The following CDH2 variants were observed in gnomAD, a reference collection of about 807,000 sequenced individuals.
CDH2 encodes cadherin-2.
In CDH2, 17 loss-of-function variants were observed where a neutral mutation model predicts 92.0. The observed-to-expected ratio is 0.18, with a 90% CI of 0.13 to 0.28. The LOEUF is 0.28. Ranked by LOEUF, CDH2 falls within the 10% of genes least tolerant of loss-of-function variation. CDH2 has a pLI of 1.00. For synonymous variants in CDH2, 419 were observed against 415.9 expected (o/e 1.01, Z -0.09); for missense variants, 862 against 1,133.1 (o/e 0.76, Z 3.44).
Position 27,985,799 on chromosome 18 carries a change from T to C in CDH2, c.1742-38A>G. The C allele has an allele frequency of 5.9e-6, 7 of 1,180,470 alleles. No individual in the cohort carries two copies. In the Middle Eastern group the frequency reaches 7.0e-4, roughly 118 times the overall value. The allele number at this position is 1,180,470 out of a possible 1,614,324, so 73.1% of individuals were successfully genotyped here. A position where few individuals can be genotyped will look rare whatever the true frequency, so the allele number is the denominator to read the frequency against. On this transcript the variant is annotated intron_variant, in intron 11 of 15. Coordinates refer to ENST00000269141, the MANE Select transcript of CDH2 (RefSeq NM_001792.5). ...AAAAATCACAAATGATGCTGAACAGTTCTCTCCAATGAGCCTCAATTATGG... is the reference window on the plus strand; with the variant it reads ...AAAAATCACAAATGATGCTGAACAGCTCTCTCCAATGAGCCTCAATTATGG...
chr18:28,071,077 T>C (rs1237945454), intron 2 of CDH2, among the ~76,000 whole-genome samples: 1 of 152,128 alleles, frequency 6.6e-6, no homozygotes, highest in Non-Finnish European at 1.5e-5. Context: ...TCTCCCCTCT[T>C]TTCAGAGAGT....
At chr18:28,166,170 A>ATATATATATATATATATATATG (rs1020592723) in intron 1 of CDH2, among the ~76,000 whole-genome samples, 47 of 135,986 alleles carry the variant, frequency 3.5e-4, no homozygotes, top group African/African-American at 1.3e-3. Flanking sequence ...ATATATATAT[A>ATATATATATATATATATATATG]TATGTCTGTA....
intron 1 of CDH2, among the ~76,000 whole-genome samples, chr18:28,173,100 T>A (rs1023460360): frequency 7.2e-5 from 11 of 152,216 alleles, no homozygotes; most frequent in Admixed American, 3.3e-4. Context: ...AGTCTCTACA[T>A]GTAAAAAGCA....
At chr18:28,037,973 A>G (rs745424147) in intron 2 of CDH2, among the ~76,000 whole-genome samples, 1 of 152,196 alleles carries the variant, frequency 6.6e-6, no homozygotes, top group Non-Finnish European at 1.5e-5. Context: ...GTGGGCATAG[A>G]AAACGGTAAT....
chr18:27,942,376 A>G (rs1172416893), intron 6 of CDH2, among the ~76,000 whole-genome samples: 1 of 152,242 alleles, frequency 6.6e-6, no homozygotes, highest in East Asian at 1.9e-4. Context: ...ACAATAGCTA[A>G]CTTGTAATGG....
intron 2 of CDH2, among the ~76,000 whole-genome samples, chr18:28,134,941 G>A (rs189550443): frequency 7.2e-5 from 11 of 152,248 alleles, no homozygotes; most frequent in East Asian, 5.8e-4. Flanking sequence ...CAAAAGGCTC[G>A]ATCAGAAGCA....
At chr18:28,000,983 G>A (rs910052900) in intron 7 of CDH2, among the ~76,000 whole-genome samples, 5 of 152,050 alleles carry the variant, frequency 3.3e-5, no homozygotes, top group East Asian at 1.9e-4. Flanking sequence ...TAAACCATCC[G>A]AGATAGATGC....
At chr18:27,963,922 T>A (rs1231812941) in intron 14 of CDH2, among the ~76,000 whole-genome samples, 1 of 151,960 alleles carries the variant, frequency 6.6e-6, no homozygotes, top group Non-Finnish European at 1.5e-5. Context: ...AAGGAAGGCA[T>A]TAGTTCATGA....
At chr18:28,117,231 T>C (rs1010700729) in intron 2 of CDH2, among the ~76,000 whole-genome samples, 4 of 152,168 alleles carry the variant, frequency 2.6e-5, no homozygotes, top group Non-Finnish European at 5.9e-5. Flanking sequence ...TAACTGAGAC[T>C]GGATATACCA....
chr18:27,934,007 C>A (rs1420481796), intron 6 of CDH2, among the ~76,000 whole-genome samples: 1 of 152,120 alleles, frequency 6.6e-6, no homozygotes, highest in Admixed American at 6.6e-5. Flanking sequence ...ATGTTATCAG[C>A]CAGTAAATAC....
chr18:28,112,496 A>C (rs2015428973), intron 2 of CDH2, among the ~76,000 whole-genome samples: 1 of 152,218 alleles, frequency 6.6e-6, no homozygotes, highest in African/African-American at 2.4e-5. Context: ...AAGGCTGTGA[A>C]GTTTATGTAA....
intron 2 of CDH2, among the ~76,000 whole-genome samples, chr18:28,061,097 T>C (rs2014394104): frequency 6.6e-6 from 1 of 152,184 alleles, no homozygotes; most frequent in South Asian, 2.1e-4. Context: ...TACTATATAG[T>C]TAAAATTTCT....
At chr18:27,993,697 T>C in intron 7 of CDH2, 60 bp from the exon 8 acceptor site, 4 of 1,308,484 alleles carry the variant, frequency 3.1e-6, no homozygotes, top group Non-Finnish European at 4.4e-6. Context: ...GACATAACAG[T>C]TGTTCTGTAA....
intron 2 of CDH2, among the ~76,000 whole-genome samples, chr18:28,025,262 A>C (rs2013519567): frequency 6.6e-6 from 1 of 152,200 alleles, no homozygotes; most frequent in African/African-American, 2.4e-5. Flanking sequence ...TCACGCCTTT[A>C]ATCCTAGCAC....
chr18:27,971,992 T>A (rs1047433387), intron 14 of CDH2, among the ~76,000 whole-genome samples: 1 of 152,296 alleles, frequency 6.6e-6, no homozygotes, highest in South Asian at 2.1e-4. Context: ...TTAGGTCTGG[T>A]TCCCGAGACT....
At chr18:28,031,852 C>G (rs1367946157) in intron 2 of CDH2, among the ~76,000 whole-genome samples, 2 of 152,072 alleles carry the variant, frequency 1.3e-5, no homozygotes, top group Admixed American at 6.6e-5. Context: ...AGTGACACTG[C>G]TGTTCAATGG....
intron 1 of CDH2, among the ~76,000 whole-genome samples, chr18:28,175,014 T>C (rs1373500222): frequency 2.0e-5 from 3 of 152,222 alleles, no homozygotes; most frequent in African/African-American, 7.2e-5. Flanking sequence ...TTGCCTTCCA[T>C]TTAACTTCAA....
chr18:27,979,691 T>C (rs915885302), intron 14 of CDH2, among the ~76,000 whole-genome samples: 13 of 152,212 alleles, frequency 8.5e-5, no homozygotes, highest in Non-Finnish European at 1.9e-4. Context: ...TGTTGAGTAA[T>C]AGAAGCCAGA....
intron 2 of CDH2, among the ~76,000 whole-genome samples, chr18:28,074,456 G>A (rs555143869): frequency 6.6e-6 from 1 of 152,224 alleles, no homozygotes; most frequent in East Asian, 1.9e-4. Flanking sequence ...ATGTTGGTCA[G>A]GCTGGTTTTC....
Sources: gnomAD v4.1 joint callset for allele counts (sites outside exome capture counted in the v4.1 genomes callset) on GRCh38, gnomAD v4.1.1 for gene constraint, MANE v1.5 for transcripts, NCBI Gene and HGNC (gene_info 2026-07-23, HGNC 2026-07-21) for gene names.